CHM: variants seen among roughly 807,000 people sequenced by gnomAD.
CHM encodes the protein rab proteins geranylgeranyltransferase component A 1.
A neutral mutation model predicts 49.0 loss-of-function variants in CHM; 10 were observed. The ratio of observed to expected loss-of-function variants is 0.20; its 90% CI spans 0.13 to 0.35. The LOEUF is 0.35. Ranked by LOEUF, CHM falls within the 10% of genes least tolerant of loss-of-function variation. The probability of loss-of-function intolerance (pLI) is 1.00; values close to 1 mark genes in which losing one functional copy is unlikely to be tolerated. For synonymous variants in CHM, 184 were observed against 167.5 expected (o/e 1.10, Z -0.76); for missense variants, 455 against 478.4 (o/e 0.95, Z 0.46).
chrX:85,989,306 CTG>C lies in CHM; in HGVS notation c.117-7499_117-7498del, dbSNP rs777882725. On this transcript the variant is annotated intron_variant, in intron 2 of 14. Coordinates refer to ENST00000357749, the MANE Select transcript of CHM (RefSeq NM_000390.4). Reference sequence around the variant, plus strand: ...TAACAGGCTAGCCATATGTAGAAGACTGTATCTGGAGCCCTTCCTTACACCAT... The same window carrying C: ...TAACAGGCTAGCCATATGTAGAAGACTATCTGGAGCCCTTCCTTACACCAT... Among the ~76,000 whole-genome samples the C allele has an allele frequency of 2.7e-5, 3 of 111,901 alleles. No homozygotes were observed. In the South Asian group the frequency reaches 1.1e-3, roughly 42 times the overall value.
At chrX:86,037,659 A>G (rs918597043) in intron 1 of CHM, among the ~76,000 whole-genome samples, 3 of 111,764 alleles carry the variant, frequency 2.7e-5, no homozygotes, top group African/African-American at 9.8e-5. Context: ...ATAAGTATTC[A>G]TTTCAAAAAT....
chrX:85,966,851 T>C (rs758187063), intron 4 of CHM, among the ~76,000 whole-genome samples: 10 of 112,057 alleles, frequency 8.9e-5, no homozygotes, highest in Non-Finnish European at 1.9e-4. Flanking sequence ...TGGTTCTCTA[T>C]TACATTCTGT....
chrX:85,996,760 A>C (rs1170756752), intron 2 of CHM, among the ~76,000 whole-genome samples: 1 of 111,598 alleles, frequency 9.0e-6, no homozygotes, highest in Non-Finnish European at 1.9e-5. Flanking sequence ...TGAGTATCTG[A>C]TTGCTTCCTC....
rs986309414 is a variant in CHM, at chrX:85,889,381, T to C, written c.1510+4807A>G. ...ACCAACAAGAATAAAACCATCCCAT[T>C]AAAAAGCAGGCAAAGATTTGAACAG... On this transcript the variant is annotated intron_variant, in intron 12 of 14. Coordinates refer to ENST00000357749, the MANE Select transcript of CHM (RefSeq NM_000390.4). Among the ~76,000 whole-genome samples the C allele has an allele frequency of 2.7e-5, 3 of 111,559 alleles. No individual in the cohort carries two copies. In the East Asian group the frequency reaches 8.4e-4, roughly 31 times the overall value.
intron 8 of CHM, among the ~76,000 whole-genome samples, chrX:85,954,853 C>A (rs1344036251): frequency 1.9e-5 from 2 of 105,821 alleles, no homozygotes; most frequent in African/African-American, 7.0e-5. Flanking sequence ...GATCACACCA[C>A]TGCACTCCAC....
At chrX:86,017,313 T>C (rs901064021) in intron 2 of CHM, among the ~76,000 whole-genome samples, 1 of 111,401 alleles carries the variant, frequency 9.0e-6, no homozygotes, top group African/African-American at 3.3e-5. Context: ...ACATGAGATT[T>C]GGAGGGGCCA....
chrX:85,908,007 C>T (rs1228746140), intron 9 of CHM, among the ~76,000 whole-genome samples: 2 of 111,219 alleles, frequency 1.8e-5, no homozygotes, highest in African/African-American at 3.3e-5. Context: ...ACAGAATAAA[C>T]TCAGAACTTT....
At chrX:86,030,394 AT>A (rs1933992296) in intron 1 of CHM, among the ~76,000 whole-genome samples, 1 of 112,090 alleles carries the variant, frequency 8.9e-6, no homozygotes, top group Non-Finnish European at 1.9e-5. Flanking sequence ...CCAAGATTTC[AT>A]ATTTCTTCCC....
chrX:85,910,367 TA>T (rs780846763), intron 9 of CHM, among the ~76,000 whole-genome samples: 1 of 111,316 alleles, frequency 9.0e-6, no homozygotes, highest in Admixed American at 9.6e-5. Context: ...TATATACTCC[TA>T]AAAACAATCA....
chrX:85,951,431 G>A (rs921629725), intron 8 of CHM, among the ~76,000 whole-genome samples: 1 of 109,949 alleles, frequency 9.1e-6, no homozygotes, highest in African/African-American at 3.3e-5. Flanking sequence ...TATACTTCAG[G>A]TATACTAAAT....
intron 8 of CHM, among the ~76,000 whole-genome samples, chrX:85,913,352 G>GAAAGAAAGAAAA (rs1927224730): frequency 1.6e-5 from 1 of 60,974 alleles, no homozygotes. Flanking sequence ...AAGAAAGAAA[G>GAAAGAAAGAAAA]AAAGAAAGAA....
intron 11 of CHM, among the ~76,000 whole-genome samples, chrX:85,897,035 AATAAC>A (rs1254302889): frequency 1.0e-5 from 1 of 95,393 alleles, no homozygotes; most frequent in Admixed American, 1.3e-4. Flanking sequence ...TTAATTATAT[AATAAC>A]ATAATATATA....
intron 2 of CHM, among the ~76,000 whole-genome samples, chrX:85,995,047 T>C (rs1344666341): frequency 9.1e-6 from 1 of 110,350 alleles, no homozygotes; most frequent in Admixed American, 9.7e-5. Flanking sequence ...TAGCCTCTGT[T>C]TGAGCTCTAT....
intron 8 of CHM, among the ~76,000 whole-genome samples, chrX:85,955,352 C>T (rs1379804531): frequency 2.7e-5 from 3 of 110,432 alleles, no homozygotes; most frequent in Non-Finnish European, 5.7e-5. Context: ...TCTCATGTAC[C>T]CCACAAACAC....
intron 6 of CHM, 85 bp from the exon 7 acceptor site, chrX:85,958,060 T>C: frequency 1.8e-6 from 2 of 1,092,916 alleles, no homozygotes; most frequent in South Asian, 3.9e-5. Context: ...CCTTTACATA[T>C]AACAGGATTA....
chrX:85,920,987 G>A (rs1927761696), intron 8 of CHM, among the ~76,000 whole-genome samples: 1 of 112,102 alleles, frequency 8.9e-6, no homozygotes, highest in South Asian at 3.7e-4. Flanking sequence ...GTCTGTACAT[G>A]TTAAATGGAT....
chrX:85,914,983 A>G (rs5922203), intron 8 of CHM, among the ~76,000 whole-genome samples: 4,586 of 110,721 alleles, frequency 0.041, 101 homozygotes, highest in Non-Finnish European at 0.064. Context: ...AAGGAAGCCA[A>G]TGAAATAAAC....
At chrX:85,915,661 A>G (rs1927409811) in intron 8 of CHM, among the ~76,000 whole-genome samples, 1 of 112,133 alleles carries the variant, frequency 8.9e-6, no homozygotes, top group African/African-American at 3.2e-5. Flanking sequence ...ACAACTGTCA[A>G]GCTGAGAGGA....
chrX:86,013,787 G>C (rs1933180696), intron 2 of CHM, among the ~76,000 whole-genome samples: 1 of 106,869 alleles, frequency 9.4e-6, no homozygotes, highest in Admixed American at 1.0e-4. Context: ...CAAAGAACAT[G>C]ACAGCTTTAA....
Sources: gnomAD v4.1 joint callset for allele counts (sites outside exome capture counted in the v4.1 genomes callset) on GRCh38, gnomAD v4.1.1 for gene constraint, MANE v1.5 for transcripts, NCBI Gene and HGNC (gene_info 2026-07-23, HGNC 2026-07-21) for gene names.